FBXO16: variants seen among roughly 807,000 people sequenced by gnomAD.
FBXO16 encodes the protein F-box protein 16, also known as F-box only protein 16.
In FBXO16, 31 loss-of-function variants were observed where a neutral mutation model predicts 41.0. The observed-to-expected ratio is 0.76, with a 90% CI of 0.57 to 1.02. FBXO16 has a LOEUF of 1.02. Among genes scored for constraint, FBXO16 ranks in the 50% least tolerant of loss-of-function variants. The probability of loss-of-function intolerance (pLI) is 0.00; values close to 1 mark genes in which losing one functional copy is unlikely to be tolerated. For missense variants in FBXO16, 361 were observed against 346.2 expected (o/e 1.04, Z -0.34); for synonymous variants, 133 against 117.8 (o/e 1.13, Z -0.84).
rs75701777 is a variant in FBXO16, at chr8:28,452,339, T to C, written c.645A>G (p.Ala215=). 2.8e-3 allele frequency: 4,443 copies of C among 1,614,220 alleles called. 14 individuals are homozygous for C. The highest frequency in any genetic ancestry group is 3.4e-3 in the Non-Finnish European group (4,046 of 1,180,038). ...LRKKNNSGEK[A]LPPWRSSDKH... is the part of the protein sequence containing the mutation. ...TATCAGAAGATCGCCAGGGTGGAAG[T>C]GCTTTCTCCCCTGAGTTATTCTTCT... Residue 215 remains alanine (A), a synonymous_variant, in exon 6 of 9, where the codon GCA becomes GCG. Coordinates refer to ENST00000380254, the MANE Select transcript of FBXO16 (RefSeq NM_172366.4).
At chr8:28,457,003 GT>G in intron 4 of FBXO16, 73 bp from the exon 5 acceptor site, 1 of 1,502,598 alleles carries the variant, frequency 6.7e-7, no homozygotes, top group South Asian at 1.3e-5. Context: ...CTTTCTCTAG[GT>G]TTTGAGCTGT....
chr8:28,474,372 GAAAAAATGA>G, intron 2 of FBXO16, among the ~76,000 whole-genome samples: 1 of 73,204 alleles, frequency 1.4e-5, no homozygotes, highest in South Asian at 4.5e-4. Flanking sequence ...AAGAAGAAAA[GAAAAAATGA>G]AAGAAAAGAA....
chr8:28,481,118 T>C (rs1585921685), intron 2 of FBXO16, among the ~76,000 whole-genome samples: 1 of 152,074 alleles, frequency 6.6e-6, no homozygotes, highest in Non-Finnish European at 1.5e-5. Context: ...AGCCGGGAAG[T>C]TGGCTGAGGT....
intron 7 of FBXO16, among the ~76,000 whole-genome samples, chr8:28,440,562 C>T (rs1563358189): frequency 6.6e-6 from 1 of 151,858 alleles, no homozygotes; most frequent in Non-Finnish European, 1.5e-5. Context: ...GTGTGTGGTT[C>T]CCCCCCACCC....
chr8:28,465,705 G>T lies in FBXO16; in HGVS notation c.136-1887C>A, dbSNP rs1284310797. 2.0e-5 allele frequency among the ~76,000 whole-genome samples: 3 copies of T among 152,176 alleles called. No homozygotes were observed. In the East Asian group the frequency reaches 5.8e-4, roughly 29 times the overall value. On this transcript the variant is annotated intron_variant, in intron 3 of 8. Coordinates refer to ENST00000380254, the MANE Select transcript of FBXO16 (RefSeq NM_172366.4). ...TGTTTCAGAGTTACTTTTCTCATAA[G>T]ATTAAAACAGAGGGGACTTTCTTAC...
At chr8:28,447,843 A>T (rs1802890817) in intron 6 of FBXO16, among the ~76,000 whole-genome samples, 1 of 152,176 alleles carries the variant, frequency 6.6e-6, no homozygotes, top group Non-Finnish European at 1.5e-5. Flanking sequence ...AGTCCCAGCT[A>T]CTTGGGAGGC....
At chr8:28,453,519 C>T (rs1276895204) in intron 5 of FBXO16, among the ~76,000 whole-genome samples, 4 of 151,856 alleles carry the variant, frequency 2.6e-5, no homozygotes, top group Non-Finnish European at 5.9e-5. Context: ...AAATTCATAA[C>T]GTTTTTATGT....
Position 28,452,357 on chromosome 8 carries a change from A to C in FBXO16, c.627T>G (p.Asn209Lys). ...GTGGAAGTGCTTTCTCCCCTGAGTT[A>C]TTCTTCTTTCTTAAAGAGGAAGAGG... is the stretch of plus-strand genomic sequence containing the variant. ...FRSSSSLRKK[N>K]NSGEKALPPW... The change falls in exon 6 of 9, where the codon AAT becomes AAG. Residue 209 changes from asparagine (N) to lysine (K), a missense_variant. Transcript: ENST00000380254. 1 of 1,614,210 alleles carries C rather than the reference A, an allele frequency of 6.2e-7. No homozygotes were observed. Among genetic ancestry groups the C allele is most frequent in the Non-Finnish European group, 8.5e-7 (1 of 1,180,036 alleles).
intron 2 of FBXO16, among the ~76,000 whole-genome samples, chr8:28,478,240 G>T (rs925668545): frequency 3.3e-5 from 5 of 152,064 alleles, no homozygotes; most frequent in Admixed American, 2.6e-4. Context: ...CATTACATTG[G>T]ATAAAAATCT....
At chr8:28,473,886 G>A (rs1376859363) in intron 2 of FBXO16, 79 bp from the exon 3 acceptor site, 9 of 1,053,634 alleles carry the variant, frequency 8.5e-6, no homozygotes. Flanking sequence ...TACCATTAAG[G>A]GATCGGTGAA....
At chr8:28,447,932 C>A (rs1409406965) in intron 6 of FBXO16, among the ~76,000 whole-genome samples, 1 of 151,866 alleles carries the variant, frequency 6.6e-6, no homozygotes, top group Non-Finnish European at 1.5e-5. Context: ...CCAGCCTGGG[C>A]GACAGAGTGA....
intron 2 of FBXO16, among the ~76,000 whole-genome samples, chr8:28,481,954 A>G (rs1216709437): frequency 1.3e-5 from 2 of 152,144 alleles, no homozygotes; most frequent in East Asian, 3.9e-4. Flanking sequence ...ACTGCTTACT[A>G]TGAAAAGAAG....
intron 5 of FBXO16, among the ~76,000 whole-genome samples, chr8:28,452,844 C>T (rs960045340): frequency 6.6e-6 from 1 of 151,562 alleles, no homozygotes; most frequent in African/African-American, 2.4e-5. Flanking sequence ...AAAAACCACA[C>T]ACTATAATAA....
chr8:28,461,929 A>T (rs752337788), intron 4 of FBXO16, among the ~76,000 whole-genome samples: 1 of 151,358 alleles, frequency 6.6e-6, no homozygotes, highest in Non-Finnish European at 1.5e-5. Context: ...TTATCCCTAC[A>T]CCATTTATTG....
chr8:28,463,111 A>G (rs1169455428), intron 4 of FBXO16, among the ~76,000 whole-genome samples: 1 of 151,994 alleles, frequency 6.6e-6, no homozygotes, highest in African/African-American at 2.4e-5. Context: ...AAACATATTG[A>G]TCATCCCTTC....
At position 28,463,152 on chromosome 8, in the gene FBXO16, TTGTG is replaced by T. The variant is rs952349292; in HGVS notation, c.342+456_342+459del. Among the ~76,000 whole-genome samples, 19 of 150,250 alleles carry T rather than the reference TTGTG, an allele frequency of 1.3e-4. No homozygotes were observed. In the South Asian group the frequency reaches 3.1e-3, roughly 25 times the overall value. On this transcript the variant is annotated intron_variant, in intron 4 of 8. Transcript: ENST00000380254. ...CTTAGTTTTGTGTGTGTGTGTATGT[TTGTG>T]TGTGTATGTGTGTTTGTGTGTGTAT...
intron 4 of FBXO16, among the ~76,000 whole-genome samples, chr8:28,459,545 G>C (rs1001638941): frequency 6.6e-6 from 1 of 150,984 alleles, no homozygotes; most frequent in Admixed American, 6.6e-5. Flanking sequence ...TTGAACCCGG[G>C]GTGGGCGGAG....
chr8:28,478,593 G>A (rs11986012), intron 2 of FBXO16, among the ~76,000 whole-genome samples: 42,294 of 151,840 alleles, frequency 0.28, 5,990 homozygotes, highest in Middle Eastern at 0.32. Context: ...GGAGGCCAAG[G>A]CCAGTGGATC....
intron 3 of FBXO16, among the ~76,000 whole-genome samples, chr8:28,467,160 T>C (rs901962823): frequency 2.6e-5 from 4 of 152,124 alleles, no homozygotes. Context: ...CTGAGCTACG[T>C]TGAGACCCAG....
Sources: allele counts gnomAD v4.1 joint callset (sites outside exome capture counted in the v4.1 genomes callset), GRCh38; gene constraint gnomAD v4.1.1; transcripts MANE v1.5; gene names NCBI Gene and HGNC (gene_info 2026-07-23, HGNC 2026-07-21).